Variants in GLIS3 observed in about 807,000 individuals in gnomAD.
GLIS3 encodes the protein zinc finger protein GLIS3.
In GLIS3, 53 loss-of-function variants were observed where a neutral mutation model predicts 78.6. The ratio of observed to expected loss-of-function variants is 0.67; its 90% CI spans 0.54 to 0.85. The LOEUF is 0.85. Among genes scored for constraint, GLIS3 ranks in the 40% least tolerant of loss-of-function variants. The pLI, the probability that GLIS3 is intolerant of heterozygous loss-of-function variation, is 0.00. For synonymous variants in GLIS3, 684 were observed against 509.9 expected, an observed-to-expected ratio of 1.34 and a Z score of -4.60; for missense variants, 1,703 against 1,231.1, an observed-to-expected ratio of 1.38 and a Z score of -5.74.
the GLIS3 span, among the ~76,000 whole-genome samples, chr9:4,396,681 A>T: frequency 6.6e-6 from 1 of 152,214 alleles, no homozygotes; most frequent in Non-Finnish European, 1.5e-5. Flanking sequence ...ATGAGAGGTA[A>T]GTAGCCCCTC....
the GLIS3 span, among the ~76,000 whole-genome samples, chr9:4,408,448 G>C: frequency 2.0e-5 from 3 of 150,634 alleles, no homozygotes; most frequent in African/African-American, 4.9e-5. Context: ...AAAAAAAATA[G>C]GCCGGGCACC....
the GLIS3 span, among the ~76,000 whole-genome samples, chr9:4,410,996 T>G: frequency 6.6e-6 from 1 of 152,218 alleles, no homozygotes; most frequent in Non-Finnish European, 1.5e-5. Context: ...TAATTCCTTA[T>G]GTAACAACCT....
intron 6 of GLIS3, among the ~76,000 whole-genome samples, chr9:3,904,962 T>C (rs924274005): frequency 1.3e-5 from 2 of 150,720 alleles, no homozygotes; most frequent in African/African-American, 4.9e-5. Flanking sequence ...ACAGTTTCTC[T>C]TCCTCTTATG....
Position 4,118,476 on chromosome 9 carries a change from C to T in GLIS3, c.1002G>A (p.Ser334=). ...PTSLVAYING[S]RASPANLSPQ... is the part of the protein sequence containing the mutation. ...GGGACAGGTTGGCCGGCGAAGCCCT[C>T]GACCCGTTGATGTAGGCCACCAAGG... The change falls in exon 4 of 11, where the codon TCG becomes TCA. Residue 334 remains serine (S), a synonymous_variant. Transcript: ENST00000381971. This position sits in a 1 kb window ranked among gnomAD's most constrained non-coding sequence, Gnocchi z 4.7. The T allele has an allele frequency of 1.2e-6, 2 of 1,614,002 alleles. No individual in the cohort carries two copies. The highest frequency in any genetic ancestry group is 1.1e-5 in the South Asian group (1 of 91,088).
At chr9:4,169,217 G>A (rs1392642957) in intron 2 of GLIS3, among the ~76,000 whole-genome samples, 2 of 152,130 alleles carry the variant, frequency 1.3e-5, no homozygotes, top group Non-Finnish European at 2.9e-5. Flanking sequence ...CAGACACAAG[G>A]AAAGCATGAG....
chr9:4,296,899 A>C (rs1011249320), intron 1 of GLIS3, among the ~76,000 whole-genome samples: 2 of 75,648 alleles, frequency 2.6e-5, no homozygotes, highest in African/African-American at 5.8e-5. Context: ...CTTGTTCTCA[A>C]TTGCAAAAAA....
intron 4 of GLIS3, among the ~76,000 whole-genome samples, chr9:4,040,768 G>A (rs934985151): frequency 7.2e-5 from 11 of 152,202 alleles, no homozygotes; most frequent in African/African-American, 2.7e-4. Context: ...GTGTTCAGTA[G>A]ATCGTTCTAC....
At chr9:4,290,519 G>A (rs1042774176) in intron 1 of GLIS3, among the ~76,000 whole-genome samples, 1 of 152,080 alleles carries the variant, frequency 6.6e-6, no homozygotes, top group Admixed American at 6.5e-5. Context: ...TTTGTAGCCA[G>A]AAGAATCTAG....
chr9:3,825,311 C>G lies in GLIS3; in HGVS notation c.*2961G>C, dbSNP rs898149107. 1 of 152,046 alleles carries G rather than the reference C, an allele frequency of 6.6e-6. No homozygotes were observed. The highest frequency in any genetic ancestry group is 1.5e-5 in the Non-Finnish European group (1 of 68,016). 9.4% of individuals were successfully genotyped at this position (152,046 alleles called of 1,614,324 possible). A position where few individuals can be genotyped will look rare whatever the true frequency, so the allele number is the denominator to read the frequency against. Reference sequence around the variant, plus strand: ...GGTAATGGGAGATACCCCACAGGACCTGTAAATATTTAAATAATATTTAAC... The same window carrying G: ...GGTAATGGGAGATACCCCACAGGACGTGTAAATATTTAAATAATATTTAAC... On this transcript the variant is annotated 3_prime_UTR_variant, in exon 11 of 11. Transcript: ENST00000381971.
chr9:4,209,075 A>G (rs893500352), intron 2 of GLIS3, among the ~76,000 whole-genome samples: 1 of 152,216 alleles, frequency 6.6e-6, no homozygotes, highest in East Asian at 1.9e-4. Flanking sequence ...TAAAAGTGTC[A>G]TTTTAAAAGA....
At chr9:3,883,556 T>C (rs1423368707) in intron 7 of GLIS3, among the ~76,000 whole-genome samples, 1 of 152,190 alleles carries the variant, frequency 6.6e-6, no homozygotes, top group Non-Finnish European at 1.5e-5. Context: ...ACTCAACGAA[T>C]AGGGCACACA....
chr9:4,007,161 G>T (rs774751778), intron 4 of GLIS3, among the ~76,000 whole-genome samples: 16 of 152,096 alleles, frequency 1.1e-4, no homozygotes, highest in Admixed American at 2.6e-4. Context: ...CACCCAACAG[G>T]GTCACAGTGC....
chr9:3,918,616 T>C (rs1426739831), intron 6 of GLIS3, among the ~76,000 whole-genome samples: 1 of 151,978 alleles, frequency 6.6e-6, no homozygotes, highest in Non-Finnish European at 1.5e-5. Flanking sequence ...GACCCAGGAG[T>C]CTCATGTCTC....
intron 9 of GLIS3, among the ~76,000 whole-genome samples, chr9:3,833,610 T>G (rs926710740): frequency 1.3e-5 from 2 of 152,230 alleles, no homozygotes; most frequent in Non-Finnish European, 2.9e-5. Context: ...TAGGGTGCTA[T>G]TGCTGAAACC....
intron 8 of GLIS3, among the ~76,000 whole-genome samples, chr9:3,865,258 G>C (rs10739003): frequency 0.77 from 116,972 of 152,164 alleles, 45,056 homozygotes; most frequent in East Asian, 0.94. Flanking sequence ...CTCCTTACCA[G>C]CAATCAACAC....
chr9:4,296,814 T>A (rs866061517), intron 1 of GLIS3, among the ~76,000 whole-genome samples: 1 of 150,026 alleles, frequency 6.7e-6, no homozygotes, highest in Non-Finnish European at 1.5e-5. Flanking sequence ...GCCTCAGAGC[T>A]AGTCTGGCTG....
At chr9:4,030,366 G>C (rs1456894824) in intron 4 of GLIS3, among the ~76,000 whole-genome samples, 1 of 152,118 alleles carries the variant, frequency 6.6e-6, no homozygotes, top group Admixed American at 6.5e-5. Context: ...CAAATGGGTA[G>C]TTTGAAAATA....
intron 2 of GLIS3, among the ~76,000 whole-genome samples, chr9:4,285,184 A>T (rs1487409865): frequency 6.6e-6 from 1 of 152,208 alleles, no homozygotes; most frequent in African/African-American, 2.4e-5. Flanking sequence ...AGGAATATAT[A>T]ATTGTGCTAT....
intron 2 of GLIS3, among the ~76,000 whole-genome samples, chr9:4,132,047 T>C (rs1298893080): frequency 2.0e-5 from 3 of 151,158 alleles, no homozygotes; most frequent in South Asian, 4.2e-4. Flanking sequence ...CCAATGTTTT[T>C]TTTAAAAAAA....
Sources: allele counts gnomAD v4.1 joint callset (sites outside exome capture counted in the v4.1 genomes callset), GRCh38; gene constraint gnomAD v4.1.1; non-coding constraint Gnocchi (gnomAD v3.1); transcripts MANE v1.5; gene names NCBI Gene and HGNC (gene_info 2026-07-23, HGNC 2026-07-21).